ELMOD1: variants seen among roughly 807,000 people sequenced by gnomAD.
The protein encoded by ELMOD1 is ELMO domain containing 1.
A neutral mutation model predicts 46.7 loss-of-function variants in ELMOD1; 21 were observed. The ratio of observed to expected loss-of-function variants is 0.45; its 90% CI spans 0.32 to 0.65. The LOEUF is 0.65. Ranked by LOEUF, ELMOD1 falls within the 30% of genes least tolerant of loss-of-function variation. ELMOD1 has a pLI of 0.04. For synonymous variants in ELMOD1, 122 were observed against 138.2 expected, an observed-to-expected ratio of 0.88 and a Z score of 0.82; for missense variants, 348 against 407.8, an observed-to-expected ratio of 0.85 and a Z score of 1.26.
chr11:107,618,483 C>A (rs1378075207), intron 2 of ELMOD1, among the ~76,000 whole-genome samples: 2 of 152,228 alleles, frequency 1.3e-5, no homozygotes, highest in Admixed American at 6.5e-5. Flanking sequence ...TGTGTCTCTG[C>A]ACAGTGGTAC....
At chr11:107,607,676 C>G (rs1865708745) in intron 1 of ELMOD1, among the ~76,000 whole-genome samples, 1 of 143,334 alleles carries the variant, frequency 7.0e-6, no homozygotes. Flanking sequence ...AACAAACAAA[C>G]AAACAAACAA....
chr11:107,631,311 G>A (rs915063881), intron 4 of ELMOD1, among the ~76,000 whole-genome samples: 2 of 151,572 alleles, frequency 1.3e-5, no homozygotes, highest in African/African-American at 4.9e-5. Context: ...TTTCAATATA[G>A]GTAGCTTGAA....
At chr11:107,641,556 T>G (rs1427949341) in intron 6 of ELMOD1, among the ~76,000 whole-genome samples, 1 of 152,112 alleles carries the variant, frequency 6.6e-6, no homozygotes, top group Non-Finnish European at 1.5e-5. Flanking sequence ...CTAAACTAGT[T>G]GGAGAAGAGA....
rs115937987 is a variant in ELMOD1, at chr11:107,611,133, C to T, written c.-85-6972C>T. Among the ~76,000 whole-genome samples, 866 of 152,020 alleles carry T rather than the reference C, an allele frequency of 5.7e-3. 7 individuals carry two copies. Among genetic ancestry groups the T allele is most frequent in the African/African-American group, 0.019 (797 of 41,470 alleles). On this transcript the variant is annotated intron_variant, in intron 1 of 11. Transcript: ENST00000265840. ...TGATATGTGGGACTTAATTAAAGAG[C>T]TTCTACACAGCAAAAGAAACTATCA...
chr11:107,661,638 A>G (rs1001747195), intron 11 of ELMOD1, among the ~76,000 whole-genome samples: 1 of 152,232 alleles, frequency 6.6e-6, no homozygotes, highest in African/African-American at 2.4e-5. Context: ...TTTATAAATT[A>G]TCATAGATTT....
chr11:107,654,701 G>A (rs957785456), intron 10 of ELMOD1, among the ~76,000 whole-genome samples: 1 of 151,172 alleles, frequency 6.6e-6, no homozygotes, highest in African/African-American at 2.4e-5. Flanking sequence ...CCTGGGAGGC[G>A]GAGCTTGCAG....
chr11:107,641,175 C>T (rs1226097545), intron 6 of ELMOD1, among the ~76,000 whole-genome samples: 2 of 151,984 alleles, frequency 1.3e-5, no homozygotes, highest in African/African-American at 2.4e-5. Flanking sequence ...ACCTGTAGTC[C>T]CAGCTACTCA....
At chr11:107,615,229 C>CTTTTTTTT (rs34461488) in intron 1 of ELMOD1, among the ~76,000 whole-genome samples, 38 of 81,148 alleles carry the variant, frequency 4.7e-4, no homozygotes, top group African/African-American at 6.6e-4. Flanking sequence ...TTGTCAGCAT[C>CTTTTTTTT]TTTTTTTTTT....
chr11:107,620,564 T>C (rs982344372), intron 2 of ELMOD1: 1 of 152,228 alleles, frequency 6.6e-6, no homozygotes, highest in Non-Finnish European at 1.5e-5. Context: ...TTAGCCATGA[T>C]GTGCATGAAA....
At chr11:107,625,255 C>T (rs574209369) in intron 2 of ELMOD1, 3 of 345,764 alleles carry the variant, frequency 8.7e-6, no homozygotes, top group South Asian at 1.2e-4. Flanking sequence ...AATGATCTGT[C>T]GGGGACATTG....
chr11:107,627,593 A>G (rs1050767390), intron 2 of ELMOD1, among the ~76,000 whole-genome samples: 4 of 152,228 alleles, frequency 2.6e-5, no homozygotes, highest in Non-Finnish European at 4.4e-5. Flanking sequence ...GGGAGAAATT[A>G]GAGTTGGGCT....
chr11:107,638,871 G>T (rs1866274094), intron 6 of ELMOD1, among the ~76,000 whole-genome samples: 1 of 152,200 alleles, frequency 6.6e-6, no homozygotes, highest in African/African-American at 2.4e-5. Flanking sequence ...TTGTGCCCAG[G>T]CACAGTGGCT....
At chr11:107,597,724 A>G (rs951483111) in intron 1 of ELMOD1, among the ~76,000 whole-genome samples, 2 of 152,172 alleles carry the variant, frequency 1.3e-5, no homozygotes, top group Non-Finnish European at 2.9e-5. Flanking sequence ...ATTCTTTTCC[A>G]TGTGTTAGTT....
intron 2 of ELMOD1, among the ~76,000 whole-genome samples, chr11:107,624,806 C>T (rs1866013534): frequency 1.3e-5 from 2 of 152,074 alleles, no homozygotes; most frequent in South Asian, 4.1e-4. Context: ...CTCTCTAAGC[C>T]TTCAGATACA....
intron 10 of ELMOD1, 56 bp downstream of exon 10, chr11:107,654,278 G>C (rs1866581676): frequency 4.2e-6 from 6 of 1,424,286 alleles, no homozygotes; most frequent in Non-Finnish European, 4.9e-6. Context: ...ACCAGAACTA[G>C]AACTAGAGTA....
intron 2 of ELMOD1, among the ~76,000 whole-genome samples, chr11:107,626,343 T>G (rs1244954554): frequency 2.7e-5 from 4 of 146,994 alleles, no homozygotes; most frequent in African/African-American, 1.0e-4. Flanking sequence ...CACAGGTACA[T>G]TTGAAATGCC....
At chr11:107,638,183 T>C (rs7126956) in intron 6 of ELMOD1, among the ~76,000 whole-genome samples, 4,613 of 152,322 alleles carry the variant, frequency 0.03, 221 homozygotes, top group African/African-American at 0.1. Flanking sequence ...TTTTAAATCC[T>C]TACTCACTGA....
chr11:107,624,988 C>T (rs1163627518), intron 2 of ELMOD1, among the ~76,000 whole-genome samples: 2 of 152,198 alleles, frequency 1.3e-5, no homozygotes. Flanking sequence ...CAGGGCCCCA[C>T]ACTATCTGGG....
chr11:107,605,723 A>G lies in ELMOD1; in HGVS notation c.-85-12382A>G, dbSNP rs188195285. 2.1e-3 allele frequency among the ~76,000 whole-genome samples: 322 copies of G among 152,326 alleles called. 1 individual carries two copies. Among genetic ancestry groups the G allele is most frequent in the African/African-American group, 7.4e-3 (309 of 41,578 alleles). On this transcript the variant is annotated intron_variant, in intron 1 of 11. Transcript: ENST00000265840. ...GATGAGTGTTTTATTCATGAGGGGA[A>G]AAAACCTTCTTTGTTGTCATTTTAA... is the stretch of plus-strand genomic sequence containing the variant.
Sources: gnomAD v4.1 joint callset for allele counts (sites outside exome capture counted in the v4.1 genomes callset) on GRCh38, gnomAD v4.1.1 for gene constraint, MANE v1.5 for transcripts, NCBI Gene and HGNC (gene_info 2026-07-23, HGNC 2026-07-21) for gene names.